The following IREB2 variants were observed in gnomAD, a reference collection of about 807,000 sequenced individuals.
IREB2 encodes the protein iron-responsive element-binding protein 2.
In IREB2, 39 loss-of-function variants were observed where a neutral mutation model predicts 118.8. That is an observed-to-expected ratio of 0.33 (90% CI 0.25 to 0.43). The LOEUF (loss-of-function observed/expected upper bound fraction) is 0.43, where lower values mean the gene tolerates loss of function less well. Ranked by LOEUF, IREB2 falls within the 20% of genes least tolerant of loss-of-function variation. The pLI is 1.00. For synonymous variants in IREB2, 372 were observed against 392.2 expected (o/e 0.95, Z 0.61); for missense variants, 900 against 1,147.3 (o/e 0.78, Z 3.11).
chr15:78,453,509 A>T (rs748629723), intron 2 of IREB2, among the ~76,000 whole-genome samples: 1 of 151,920 alleles, frequency 6.6e-6, no homozygotes, highest in Non-Finnish European at 1.5e-5. Context: ...TTGAATTGCA[A>T]ACCAGTTTGC....
rs376945362 is a variant in IREB2 at position 78,486,541 on chromosome 15, G to T, written c.1709+701G>T. Among the ~76,000 whole-genome samples the T allele has an allele frequency of 2.8e-3, 421 of 152,230 alleles. 3 individuals are homozygous for T. Among genetic ancestry groups the T allele is most frequent in the African/African-American group, 8.3e-3 (346 of 41,542 alleles). ...AATTGCTTTAACCTGGGAAGCGGAGGTTGCAGTGAACCCAGATCGTGCCGC... is the reference window on the plus strand; with the variant it reads ...AATTGCTTTAACCTGGGAAGCGGAGTTTGCAGTGAACCCAGATCGTGCCGC... On this transcript the variant is annotated intron_variant, in intron 13 of 21. Transcript: ENST00000258886.
At chr15:78,491,829 A>G (rs183936143) in intron 18 of IREB2, among the ~76,000 whole-genome samples, 78 of 152,174 alleles carry the variant, frequency 5.1e-4, no homozygotes, top group Non-Finnish European at 3.4e-4. Context: ...GACATGTGAT[A>G]ATATTGCACA....
chr15:78,459,899 C>A (rs2051169678), intron 2 of IREB2, among the ~76,000 whole-genome samples: 1 of 152,074 alleles, frequency 6.6e-6, no homozygotes, highest in Admixed American at 6.6e-5. Context: ...CTGATAGCTT[C>A]TTTGGGGTTT....
At chr15:78,455,153 G>A (rs1442468427) in intron 2 of IREB2, among the ~76,000 whole-genome samples, 1 of 152,166 alleles carries the variant, frequency 6.6e-6, no homozygotes, top group Admixed American at 6.6e-5. Context: ...GGGGAAGTGA[G>A]AGATTGAACC....
At chr15:78,446,359 T>C (rs1229110781) in intron 2 of IREB2, among the ~76,000 whole-genome samples, 3 of 152,216 alleles carry the variant, frequency 2.0e-5, no homozygotes, top group Admixed American at 2.0e-4. Context: ...ATTGCCAATT[T>C]CTATTCTAGA....
Position 78,488,232 on chromosome 15 carries a change from G to T in IREB2, c.1847G>T (p.Arg616Leu), listed in dbSNP as rs754218429. 1 of 1,611,842 alleles carries T rather than the reference G, an allele frequency of 6.2e-7. No individual in the cohort carries two copies. The highest frequency in any genetic ancestry group is 1.1e-5 in the South Asian group (1 of 90,646). ...ILSGNKNFEG[R>L]LCDCVRANYL... is the part of the protein sequence containing the mutation. ...TCTGGAAACAAAAATTTTGAAGGTC[G>T]TCTTTGTGATTGTGTTCGTGCCAAT... The change falls in exon 15 of 22, where the codon CGT becomes CTT. Residue 616 changes from arginine (R) to leucine (L), a missense_variant. Coordinates refer to ENST00000258886, the MANE Select transcript of IREB2 (RefSeq NM_004136.4).
chr15:78,492,556 T>A (rs2141526805), intron 18 of IREB2, among the ~76,000 whole-genome samples: 1 of 150,800 alleles, frequency 6.6e-6, no homozygotes, highest in East Asian at 2.0e-4. Flanking sequence ...GAAGGAAAGT[T>A]TGTCATTTGT....
chr15:78,457,997 G>C (rs1045250815), intron 2 of IREB2, among the ~76,000 whole-genome samples: 1 of 151,932 alleles, frequency 6.6e-6, no homozygotes, highest in Admixed American at 6.6e-5. Flanking sequence ...ACTATTTATT[G>C]TAATTTGAGA....
At chr15:78,467,455 G>T (rs1238661647) in intron 5 of IREB2, among the ~76,000 whole-genome samples, 1 of 152,182 alleles carries the variant, frequency 6.6e-6, no homozygotes, top group African/African-American at 2.4e-5. Flanking sequence ...ACTTTGGGAG[G>T]CCGGGGCAGG....
rs541578936 is a variant in IREB2 at position 78,500,518 on chromosome 15, C to T, written c.*2375C>T. The T allele has an allele frequency of 7.1e-5, 10 of 140,396 alleles. No individual in the cohort carries two copies. Among genetic ancestry groups the T allele is most frequent in the Admixed American group, 5.9e-4 (8 of 13,522 alleles). The allele number at this position is 140,396 out of a possible 1,614,324, so 8.7% of individuals were successfully genotyped here. A position where few individuals can be genotyped will look rare whatever the true frequency, so the allele number is the denominator to read the frequency against. On this transcript the variant is annotated 3_prime_UTR_variant, in exon 22 of 22. Transcript: ENST00000258886. ...TCTGTGTCTTCTTTGTTTACTATAC[C>T]TTGGGTAATTTTGTGTTACCAAAAA...
intron 2 of IREB2, among the ~76,000 whole-genome samples, chr15:78,442,155 C>CA (rs1567160179): frequency 6.6e-6 from 1 of 152,186 alleles, no homozygotes; most frequent in African/African-American, 2.4e-5. Flanking sequence ...CTCAGCCTCT[C>CA]AAAGTGCTGG....
intron 1 of IREB2, 56 bp downstream of exon 1, chr15:78,438,412 C>A: frequency 6.4e-7 from 1 of 1,564,906 alleles, no homozygotes; most frequent in Non-Finnish European, 8.7e-7. Flanking sequence ...GCTGCCTAGG[C>A]GCCGAATTCC....
intron 3 of IREB2, among the ~76,000 whole-genome samples, chr15:78,463,689 A>T (rs1241747716): frequency 6.6e-6 from 1 of 151,958 alleles, no homozygotes; most frequent in African/African-American, 2.4e-5. Context: ...TGAAAACTTG[A>T]TTTTATTTTG....
intron 10 of IREB2, among the ~76,000 whole-genome samples, chr15:78,480,761 G>A (rs1431629806): frequency 2.7e-5 from 4 of 149,644 alleles, no homozygotes; most frequent in East Asian, 2.0e-4. Flanking sequence ...TGGGAGGCCC[G>A]CACTTTGGGA....
At chr15:78,465,506 T>C (rs1039527403) in intron 4 of IREB2, 118 bp downstream of exon 4, 12 of 933,168 alleles carry the variant, frequency 1.3e-5, no homozygotes, top group Non-Finnish European at 1.9e-5. Context: ...AAATTTAGTA[T>C]TGGCTAGTAT....
At chr15:78,438,480 T>C (rs2050790419) in intron 1 of IREB2, 124 bp downstream of exon 1, 2 of 1,145,726 alleles carry the variant, frequency 1.7e-6, no homozygotes, top group Admixed American at 4.0e-5. Context: ...GCTCGGGTTG[T>C]GCTCCCCTCG....
chr15:78,459,257 G>T (rs1413463770), intron 2 of IREB2, among the ~76,000 whole-genome samples: 1 of 152,006 alleles, frequency 6.6e-6, no homozygotes, highest in Non-Finnish European at 1.5e-5. Context: ...TTATATAAAA[G>T]GACTTTTAAA....
chr15:78,458,998 A>C (rs947490919), intron 2 of IREB2, among the ~76,000 whole-genome samples: 1 of 151,924 alleles, frequency 6.6e-6, no homozygotes, highest in African/African-American at 2.4e-5. Context: ...TGGGGTTTCC[A>C]CCATGTTGCC....
chr15:78,498,603 G>A lies in IREB2; in HGVS notation c.*460G>A, dbSNP rs182282816. ...GGCCATTGGAATCTCATTTATAAAT[G>A]GACCTTTTAAGTATATTAATTCCTC... On this transcript the variant is annotated 3_prime_UTR_variant, in exon 22 of 22. Coordinates refer to ENST00000258886, the MANE Select transcript of IREB2 (RefSeq NM_004136.4). 7 of 153,446 alleles carry A rather than the reference G, an allele frequency of 4.6e-5. No individual in the cohort carries two copies. Among genetic ancestry groups the A allele is most frequent in the African/African-American group, 1.4e-4 (6 of 41,566 alleles). The allele number at this position is 153,446 out of a possible 1,614,324, so 9.5% of individuals were successfully genotyped here. A position where few individuals can be genotyped will look rare whatever the true frequency, so the allele number is the denominator to read the frequency against.
Sources: allele counts gnomAD v4.1 joint callset (sites outside exome capture counted in the v4.1 genomes callset), GRCh38; gene constraint gnomAD v4.1.1; transcripts MANE v1.5; gene names NCBI Gene and HGNC (gene_info 2026-07-23, HGNC 2026-07-21).